CSF2RB: variants seen among roughly 807,000 people sequenced by gnomAD.
CSF2RB encodes colony stimulating factor 2 receptor subunit beta.
A neutral mutation model predicts 67.2 loss-of-function variants in CSF2RB; 22 were observed. That is an observed-to-expected ratio of 0.33 (90% CI 0.23 to 0.47). CSF2RB has a LOEUF of 0.47. Ranked by LOEUF, CSF2RB falls within the 20% of genes least tolerant of loss-of-function variation. CSF2RB has a pLI of 1.00. For synonymous variants in CSF2RB, 507 were observed against 482.9 expected, an observed-to-expected ratio of 1.05 and a Z score of -0.65; for missense variants, 1,113 against 1,174.5, an observed-to-expected ratio of 0.95 and a Z score of 0.76.
In CSF2RB at chr22:36,931,441, G is replaced by A. The variant is rs1269474580; in HGVS notation, c.1012+611G>A. ...TTTGAATTTACCATTAACTCTCTTG[G>A]GATCCTCACTGGAAAAAGGAATTCT... is the stretch of plus-strand genomic sequence containing the variant. On this transcript the variant is annotated intron_variant, in intron 8 of 13. Coordinates refer to ENST00000403662, the MANE Select transcript of CSF2RB (RefSeq NM_000395.3). Among the ~76,000 whole-genome samples, 4 of 152,252 alleles carry A rather than the reference G, an allele frequency of 2.6e-5. No individual in the cohort carries two copies. The East Asian group carries it at 7.7e-4, about 29-fold the overall frequency.
In CSF2RB at chr22:36,926,158, C is replaced by A; in HGVS notation, c.372C>A (p.Thr124=). The A allele has an allele frequency of 6.2e-7, 1 of 1,614,146 alleles. No homozygotes were observed. Among genetic ancestry groups the A allele is most frequent in the Non-Finnish European group, 8.5e-7 (1 of 1,180,044 alleles). ...ACAGGCCTCTGGGCACCCGGCTCAC[C>A]GTCACTCTGACCCAGCATGGTGAGG... ...QPDRPLGTRL[T]VTLTQHVQPP... Residue 124 remains threonine (T), a synonymous_variant, in exon 4 of 14, where the codon ACC becomes ACA. Transcript: ENST00000403662.
At chr22:36,927,572 G>T (rs1365197166) in intron 4 of CSF2RB, among the ~76,000 whole-genome samples, 2 of 152,158 alleles carry the variant, frequency 1.3e-5, no homozygotes, top group East Asian at 1.9e-4. Context: ...TGTCCAGGGA[G>T]CATCAGCTTC....
At chr22:36,923,135 G>T in intron 2 of CSF2RB, 109 bp from the exon 3 acceptor site, 1 of 1,551,790 alleles carries the variant, frequency 6.4e-7, no homozygotes, top group Non-Finnish European at 8.9e-7. Context: ...CCTCTGCAGG[G>T]ACCTGGGAGA....
Position 36,939,822 on chromosome 22 carries a change from AT to A in CSF2RB, c.*1321del, listed in dbSNP as rs1269955763. ...GTGTATGAATATGAATGCTTCTGTA[AT>A]GTCAAACAGATCCCTAGTAAACTCC... is the stretch of plus-strand genomic sequence containing the variant. On this transcript the variant is annotated 3_prime_UTR_variant, in exon 14 of 14. Transcript: ENST00000403662. 1 of 152,518 alleles carries A rather than the reference AT, an allele frequency of 6.6e-6. No homozygotes were observed. The highest frequency in any genetic ancestry group is 1.5e-5 in the Non-Finnish European group (1 of 68,240). The allele number at this position is 152,518 out of a possible 1,614,324, so 9.4% of individuals were successfully genotyped here.
At chr22:36,914,211 T>G (rs1940661195) in intron 1 of CSF2RB, among the ~76,000 whole-genome samples, 1 of 152,060 alleles carries the variant, frequency 6.6e-6, no homozygotes, top group Non-Finnish European at 1.5e-5. Flanking sequence ...TGTGTGTATG[T>G]GCATGTGCGG....
At chr22:36,930,539 C>G in intron 7 of CSF2RB, 29 bp downstream of exon 7, 1 of 1,612,562 alleles carries the variant, frequency 6.2e-7, no homozygotes, top group Non-Finnish European at 8.5e-7. Flanking sequence ...CATCCCCTCC[C>G]CTCCTCTTGG....
At chr22:36,922,917 C>T (rs1008144426) in intron 2 of CSF2RB, among the ~76,000 whole-genome samples, 1 of 151,910 alleles carries the variant, frequency 6.6e-6, no homozygotes, top group Non-Finnish European at 1.5e-5. Context: ...GCTGCACAGT[C>T]GGTCCAGGGG....
At position 36,939,321 on chromosome 22, in the gene CSF2RB, C is replaced by T. The variant is rs1384150460; in HGVS notation, c.*819C>T. The T allele has an allele frequency of 1.1e-5, 8 of 698,792 alleles. No homozygotes were observed. Among genetic ancestry groups the T allele is most frequent in the Non-Finnish European group, 1.6e-5 (6 of 383,052 alleles). 43.3% of individuals were successfully genotyped at this position (698,792 alleles called of 1,614,324 possible). On this transcript the variant is annotated 3_prime_UTR_variant, in exon 14 of 14. Coordinates refer to ENST00000403662, the MANE Select transcript of CSF2RB (RefSeq NM_000395.3). ...AACATCAGGAGAGGAGTCCAGAGCC[C>T]ACGTCTACTGCGGAAAAGTCAGGGG...
chr22:36,936,588 G>A lies in CSF2RB; in HGVS notation c.1504G>A (p.Ala502Thr), dbSNP rs1601593648. The A allele has an allele frequency of 6.2e-7, 1 of 1,613,486 alleles. No individual in the cohort carries two copies. Among genetic ancestry groups the A allele is most frequent in the Non-Finnish European group, 8.5e-7 (1 of 1,180,026 alleles). ...AELWPPGSMSAFTSGSPPHQG... is the reference protein window; with the variant it reads ...AELWPPGSMSTFTSGSPPHQG... ...GCTTTGGCCCCCAGGCAGCATGTCG[G>A]CCTTCACTAGCGGGAGTCCCCCACA... is the stretch of plus-strand genomic sequence containing the variant. The change falls in exon 13 of 14, where the codon GCC (alanine) becomes ACC (threonine). Residue 502 changes from alanine (A) to threonine (T), a missense_variant. By Grantham distance (58) the Ala-to-Thr change is moderately conservative. Around this residue, in one of 2 missense-constraint regions of CSF2RB, gnomAD observed 554 missense variants for 517.9 expected, o/e 1.07. Transcript: ENST00000403662.
rs931658183 is a variant in CSF2RB, at chr22:36,939,261, G to A, written c.*759G>A. 15 of 702,216 alleles carry A rather than the reference G, an allele frequency of 2.1e-5. No individual in the cohort carries two copies. Among genetic ancestry groups the A allele is most frequent in the African/African-American group, 8.7e-5 (5 of 57,354 alleles). The allele number at this position is 702,216 out of a possible 1,614,324, so 43.5% of individuals were successfully genotyped here. A position where few individuals can be genotyped will look rare whatever the true frequency, so the allele number is the denominator to read the frequency against. On this transcript the variant is annotated 3_prime_UTR_variant, in exon 14 of 14. Transcript: ENST00000403662. ...CCCCACGTCATGTAGAGAAGTTAACGGCCCAAGTGGTGGGCAGGCTGGCGG... is the reference window on the plus strand; with the variant it reads ...CCCCACGTCATGTAGAGAAGTTAACAGCCCAAGTGGTGGGCAGGCTGGCGG...
At chr22:36,930,310 G>A (rs968150409) in intron 6 of CSF2RB, 65 bp from the exon 7 acceptor site, 2 of 1,605,862 alleles carry the variant, frequency 1.2e-6, no homozygotes, top group Middle Eastern at 2.0e-4. Flanking sequence ...TCACACGGTG[G>A]GCACCCACTG....
Position 36,930,495 on chromosome 22 carries a change from C to G in CSF2RB, c.839C>G (p.Pro280Arg). 6.2e-7 allele frequency: 1 copy of G among 1,613,554 alleles called. No individual in the cohort carries two copies. Among genetic ancestry groups the G allele is most frequent in the Non-Finnish European group, 8.5e-7 (1 of 1,180,002 alleles). Residue 280 changes from proline to arginine, a missense_variant, in exon 7 of 14, where the codon CCC becomes CGC. Coordinates refer to ENST00000403662, the MANE Select transcript of CSF2RB (RefSeq NM_000395.3). Reference sequence around the variant, plus strand: ...GTCTCCTTTGGCCTATTCTACAAGCCCAGCCCAGATGCAGGGTGAGCATCT... The same window carrying G: ...GTCTCCTTTGGCCTATTCTACAAGCGCAGCCCAGATGCAGGGTGAGCATCT... ...SSVSFGLFYK[P>R]SPDAGEEECS...
Position 36,923,320 on chromosome 22 carries a change from G to C in CSF2RB, c.153G>C (p.Gln51His). The C allele has an allele frequency of 6.2e-7, 1 of 1,614,208 alleles. No individual in the cohort carries two copies. Among genetic ancestry groups the C allele is most frequent in the Non-Finnish European group, 8.5e-7 (1 of 1,180,032 alleles). The change falls in exon 3 of 14, where the codon CAG (glutamine) becomes CAC (histidine). Residue 51 changes from glutamine to histidine, a missense_variant. Gln to His is a conservative substitution (Grantham distance 24). Transcript: ENST00000403662. ...SHITCRWADT[Q>H]DAQRLVNVTL... ...TCACCTGCAGGTGGGCAGACACCCA[G>C]GATGCCCAGCGGCTCGTCAACGTGA...
chr22:36,930,958 C>A lies in CSF2RB; in HGVS notation c.1012+128C>A, dbSNP rs1431260470. On this transcript the variant is annotated intron_variant, in intron 8 of 13. Coordinates refer to ENST00000403662, the MANE Select transcript of CSF2RB (RefSeq NM_000395.3). ...TTGTCACTTTCAAAGAGATGCAGTCCAGTGACCAAAAGTGAACAGAGAAGC... is the reference window on the plus strand; with the variant it reads ...TTGTCACTTTCAAAGAGATGCAGTCAAGTGACCAAAAGTGAACAGAGAAGC... 6.8e-6 allele frequency: 8 copies of A among 1,178,040 alleles called. No homozygotes were observed. The East Asian group carries it at 7.4e-5, about 11-fold the overall frequency. 73.0% of individuals were successfully genotyped at this position (1,178,040 alleles called of 1,614,324 possible).
intron 3 of CSF2RB, chr22:36,923,814 G>T: frequency 1.6e-6 from 2 of 1,287,422 alleles, no homozygotes; most frequent in Non-Finnish European, 1.0e-6. Context: ...CTGAGGCCCT[G>T]GAGGTGAGGT....
chr22:36,923,433 C>T (rs370532273), intron 3 of CSF2RB, 66 bp downstream of exon 3: 17 of 1,580,442 alleles, frequency 1.1e-5, no homozygotes, highest in Admixed American at 3.7e-5. Flanking sequence ...TGGCATGGGG[C>T]GACAGTGTAG....
chr22:36,923,018 G>A (rs1940915570), intron 2 of CSF2RB, among the ~76,000 whole-genome samples: 1 of 152,174 alleles, frequency 6.6e-6, no homozygotes, highest in African/African-American at 2.4e-5. Context: ...CAGAAACCAT[G>A]CTGAGAACCA....
At position 36,935,364 on chromosome 22, in the gene CSF2RB, G is replaced by C. The variant is rs776694451; in HGVS notation, c.1329G>C (p.Trp443Cys). ...GGCTGCTGGAAGTGCTGCCTATGTG[G>C]GTGCTGGCCCTCATCGTGATCTTCC... ...SWDTESVLPM[W>C]VLALIVIFLT... is the part of the protein sequence containing the mutation. Residue 443 changes from tryptophan (W) to cysteine (C), a missense_variant, in exon 11 of 14, where the codon TGG becomes TGC. By Grantham distance (215) the Trp-to-Cys change is radical. This residue lies in a region of CSF2RB where 559 missense variants were observed against 656.5 expected (regional missense o/e 0.85). Transcript: ENST00000403662. The C allele has an allele frequency of 6.2e-7, 1 of 1,614,084 alleles. No individual in the cohort carries two copies. Among genetic ancestry groups the C allele is most frequent in the African/African-American group, 1.3e-5 (1 of 74,918 alleles).
In CSF2RB at chr22:36,922,282, A is replaced by T. The variant is rs1203208777; in HGVS notation, c.75A>T (p.Glu25Asp). 1 of 1,573,678 alleles carries T rather than the reference A, an allele frequency of 6.4e-7. No homozygotes were observed. The highest frequency in any genetic ancestry group is 8.6e-7 in the Non-Finnish European group (1 of 1,159,722). Reference sequence around the variant, plus strand: ...GGGAGCGCAGCCTGGCAGGGGCAGAAGGTGAGTCCCGTGGCTCCCACCCAC... The same window carrying T: ...GGGAGCGCAGCCTGGCAGGGGCAGATGGTGAGTCCCGTGGCTCCCACCCAC... ...LCWERSLAGA[E>D]ETIPLQTLRC... is the part of the protein sequence containing the mutation. Residue 25 changes from glutamate (E) to aspartate (D), a missense_variant and splice_region_variant, in exon 2 of 14, where the codon GAA becomes GAT. Glu to Asp is a conservative substitution (Grantham distance 45). Transcript: ENST00000403662.
Sources: gnomAD v4.1 joint callset for allele counts (sites outside exome capture counted in the v4.1 genomes callset) on GRCh38, gnomAD v4.1.1 for gene constraint, gnomAD v4.1.1 regional missense constraint, MANE v1.5 for transcripts, NCBI Gene and HGNC (gene_info 2026-07-23, HGNC 2026-07-21) for gene names.